GTF2IRD1: variants seen among roughly 807,000 people sequenced by gnomAD.
GTF2IRD1 encodes the protein general transcription factor II-I repeat domain-containing protein 1.
In GTF2IRD1, 26 loss-of-function variants were observed where a neutral mutation model predicts 113.2. The ratio of observed to expected loss-of-function variants is 0.23; its 90% CI spans 0.17 to 0.32. GTF2IRD1 has a LOEUF of 0.32. Among genes scored for constraint, GTF2IRD1 ranks in the 10% least tolerant of loss-of-function variants. The pLI is 1.00. For synonymous variants in GTF2IRD1, 484 were observed against 529.1 expected (o/e 0.91, Z 1.17); for missense variants, 864 against 1,280.8 (o/e 0.67, Z 4.97).
intron 2 of GTF2IRD1, among the ~76,000 whole-genome samples, chr7:74,508,414 G>A (rs1200822186): frequency 2.0e-5 from 3 of 152,064 alleles, no homozygotes; most frequent in Middle Eastern, 3.2e-3. Flanking sequence ...CCCTGGGGCC[G>A]GGCACAGTGG....
At chr7:74,469,169 G>GAGTAGGTATTTGGAGGCTGGGGTA (rs1554331751) in intron 1 of GTF2IRD1, among the ~76,000 whole-genome samples, 3 of 152,040 alleles carry the variant, frequency 2.0e-5, no homozygotes, top group Non-Finnish European at 4.4e-5. Context: ...GGGTACCTGT[G>GAGTAGGTATTTGGAGGCTGGGGTA]AGTAGGTATT....
At chr7:74,559,563 C>T (rs1488733305) in intron 21 of GTF2IRD1, 64 bp from the exon 22 acceptor site, 2 of 1,458,840 alleles carry the variant, frequency 1.4e-6, no homozygotes, top group African/African-American at 2.8e-5. Flanking sequence ...CACTGAATCC[C>T]AGGGGTGTCT....
chr7:74,532,905 G>A (rs587621564), intron 9 of GTF2IRD1, among the ~76,000 whole-genome samples: 1 of 152,222 alleles, frequency 6.6e-6, no homozygotes, highest in East Asian at 1.9e-4. Context: ...CCAAGGCTCT[G>A]TCCGTGGTCC....
chr7:74,472,606 G>A (rs1181764953), intron 1 of GTF2IRD1, among the ~76,000 whole-genome samples: 9 of 152,114 alleles, frequency 5.9e-5, no homozygotes, highest in Non-Finnish European at 1.3e-4. Flanking sequence ...AAAAAATTTA[G>A]CCAGGCATGG....
intron 22 of GTF2IRD1, among the ~76,000 whole-genome samples, chr7:74,580,873 A>G (rs782086624): frequency 3.9e-5 from 6 of 152,188 alleles, no homozygotes; most frequent in Non-Finnish European, 8.8e-5. Context: ...AGTCCTAACT[A>G]TGACATTTCC....
chr7:74,468,942 G>A (rs371627800), intron 1 of GTF2IRD1, among the ~76,000 whole-genome samples: 24 of 151,824 alleles, frequency 1.6e-4, no homozygotes, highest in African/African-American at 5.3e-4. Context: ...AAAATTAGCC[G>A]GGCGTGATGG....
At chr7:74,535,092 C>G in intron 9 of GTF2IRD1, 21 bp from the exon 10 acceptor site, 1 of 1,610,368 alleles carries the variant, frequency 6.2e-7, no homozygotes, top group Non-Finnish European at 8.5e-7. Flanking sequence ...GTTCTCATGC[C>G]TGTCTCTCTT....
rs782695782 is a variant in GTF2IRD1 at position 74,601,193 on chromosome 7, C to T, written c.2766+13C>T. The T allele has an allele frequency of 1.0e-5, 16 of 1,567,464 alleles. No individual in the cohort carries two copies. The highest frequency in any genetic ancestry group is 1.2e-5 in the Non-Finnish European group (14 of 1,155,056). On this transcript the variant is annotated intron_variant, in intron 26 of 26. Transcript: ENST00000424337. ...GATCTCACTCGTGGTAAAGTTGCAC[C>T]GATTTGGACTCCGGCACTCATCTCT... is the stretch of plus-strand genomic sequence containing the variant.
chr7:74,471,024 TA>T (rs1316155207), intron 1 of GTF2IRD1, among the ~76,000 whole-genome samples: 1 of 152,112 alleles, frequency 6.6e-6, no homozygotes. Context: ...AGGCTGGTCT[TA>T]AACTCCTGAC....
chr7:74,511,411 C>T (rs1554342939), intron 2 of GTF2IRD1, among the ~76,000 whole-genome samples: 2 of 152,216 alleles, frequency 1.3e-5, no homozygotes, highest in African/African-American at 4.8e-5. Flanking sequence ...TGAGCGGTGA[C>T]TGTGGGATGA....
Position 74,513,032 on chromosome 7 carries a change from C to T in GTF2IRD1, c.265+61C>T, listed in dbSNP as rs1554343503. 9 of 1,538,490 alleles carry T rather than the reference C, an allele frequency of 5.8e-6. No homozygotes were observed. In the African/African-American group the frequency reaches 6.8e-5, roughly 12 times the overall value. ...CATTTCCCGAGGGCAGGCGCTCTAG[C>T]CCATCTCTGGGTCCCCAACCCTGTC... On this transcript the variant is annotated intron_variant, in intron 3 of 26. Coordinates refer to ENST00000424337, the MANE Select transcript of GTF2IRD1 (RefSeq NM_005685.4).
At chr7:74,473,480 A>G (rs1422167287) in intron 1 of GTF2IRD1, among the ~76,000 whole-genome samples, 6 of 151,550 alleles carry the variant, frequency 4.0e-5, no homozygotes, top group South Asian at 4.2e-4. Flanking sequence ...GCTGGAGTAC[A>G]GTGGAACAGT....
In GTF2IRD1 at chr7:74,519,444, T is replaced by C. The variant is rs782727067; in HGVS notation, c.641T>C (p.Leu214Pro). The change falls in exon 6 of 27, where the codon CTG (leucine) becomes CCG (proline). Residue 214 changes from leucine (L) to proline (P), a missense_variant. Physicochemically the swap from Leu to Pro is moderately conservative, Grantham distance 98. Coordinates refer to ENST00000424337, the MANE Select transcript of GTF2IRD1 (RefSeq NM_005685.4). ...LEDGGRDSKA[L>P]VELNGVSLIP... is the part of the protein sequence containing the mutation. ...GATGGCGGGCGGGACTCGAAGGCCC[T>C]GGTGGAGCTGAACGGTGTCTCCCTG... is the stretch of plus-strand genomic sequence containing the variant. The C allele has an allele frequency of 1.7e-5, 26 of 1,559,800 alleles. No individual in the cohort carries two copies. In the East Asian group the frequency reaches 5.7e-4, roughly 34 times the overall value.
intron 11 of GTF2IRD1, among the ~76,000 whole-genome samples, chr7:74,537,363 A>G (rs1429830039): frequency 1.3e-5 from 2 of 148,438 alleles, no homozygotes; most frequent in African/African-American, 5.0e-5. Context: ...CAGTGAGCCA[A>G]GATTGTGCCA....
rs781952294 is a variant in GTF2IRD1, at chr7:74,508,164, C to T, written c.84C>T (p.Asp28=). ...GGAACTCCGCGTTCACCCGCAAAGA[C>T]GAGATCATCACCAGCCTCGTGTCTG... ...DRWNSAFTRK[D]EIITSLVSAL... is the part of the protein sequence containing the mutation. Residue 28 remains aspartate (D), a synonymous_variant, in exon 2 of 27, where the codon GAC becomes GAT. Transcript: ENST00000424337. 1.1e-5 allele frequency: 17 copies of T among 1,613,014 alleles called. No homozygotes were observed. Among genetic ancestry groups the T allele is most frequent in the Middle Eastern group, 1.6e-4 (1 of 6,062 alleles).
In GTF2IRD1 at chr7:74,453,977, C is replaced by T. The variant is rs1453026473; in HGVS notation, c.-206C>T. The T allele has an allele frequency of 4.7e-5, 7 of 148,124 alleles. No individual in the cohort carries two copies. The South Asian group carries it at 1.4e-3, about 29-fold the overall frequency. The allele number at this position is 148,124 out of a possible 1,614,324, so 9.2% of individuals were successfully genotyped here. ...GGGTGGGGGCCGCCGAGCGCCAGCCCCCCGGCCGGCCGATTCCCCCCCCGC... is the reference window on the plus strand; with the variant it reads ...GGGTGGGGGCCGCCGAGCGCCAGCCTCCCGGCCGGCCGATTCCCCCCCCGC... On this transcript the variant is annotated 5_prime_UTR_variant, in exon 1 of 27. Coordinates refer to ENST00000424337, the MANE Select transcript of GTF2IRD1 (RefSeq NM_005685.4).
intron 22 of GTF2IRD1, among the ~76,000 whole-genome samples, chr7:74,561,274 G>A (rs782302389): frequency 3.3e-5 from 5 of 151,242 alleles, no homozygotes; most frequent in East Asian, 3.9e-4. Context: ...ACTTGAACCC[G>A]GGAGGCAGAG....
chr7:74,565,931 C>G (rs1800278491), intron 22 of GTF2IRD1, among the ~76,000 whole-genome samples: 2 of 151,258 alleles, frequency 1.3e-5, no homozygotes, highest in Admixed American at 1.3e-4. Flanking sequence ...CTGCAGCGAG[C>G]TATGATCACA....
chr7:74,523,526 C>T (rs1297264987), intron 7 of GTF2IRD1, among the ~76,000 whole-genome samples: 1 of 152,192 alleles, frequency 6.6e-6, no homozygotes, highest in Non-Finnish European at 1.5e-5. Context: ...TCGACACCAG[C>T]CTGGCCAACA....
Sources: allele counts gnomAD v4.1 joint callset (sites outside exome capture counted in the v4.1 genomes callset), GRCh38; gene constraint gnomAD v4.1.1; transcripts MANE v1.5; gene names NCBI Gene and HGNC (gene_info 2026-07-23, HGNC 2026-07-21).